The following ERBIN variants were observed in gnomAD, a reference collection of about 807,000 sequenced individuals.
The protein encoded by ERBIN is erbb2 interacting protein, also known as densin-180-like protein.
A neutral mutation model predicts 158.4 loss-of-function variants in ERBIN; 60 were observed. That is an observed-to-expected ratio of 0.38 (90% confidence interval 0.31 to 0.47). The LOEUF is 0.47. Ranked by LOEUF, ERBIN falls within the 20% of genes least tolerant of loss-of-function variation. The pLI, the probability that ERBIN is intolerant of heterozygous loss-of-function variation, is 0.99. For synonymous variants in ERBIN, 594 were observed against 557.2 expected (o/e 1.07, Z -0.93); for missense variants, 1,610 against 1,648.0 (o/e 0.98, Z 0.40).
chr5:66,015,427 A>G (rs1221678686), intron 7 of ERBIN, among the ~76,000 whole-genome samples: 1 of 152,170 alleles, frequency 6.6e-6, no homozygotes, highest in Non-Finnish European at 1.5e-5. Context: ...ATTCATGTAC[A>G]TATTGTCTGT....
chr5:65,928,602 G>T (rs1742971182), intron 1 of ERBIN, among the ~76,000 whole-genome samples: 1 of 152,062 alleles, frequency 6.6e-6, no homozygotes, highest in Non-Finnish European at 1.5e-5. Flanking sequence ...TCTATTTTTA[G>T]ATTTAGTTCT....
At chr5:66,018,464 T>G in intron 7 of ERBIN, among the ~76,000 whole-genome samples, 1 of 7,462 alleles carries the variant, frequency 1.3e-4, no homozygotes, top group Non-Finnish European at 2.6e-4. Flanking sequence ...TTATATTATA[T>G]AATATATATT....
rs1760913345 is a variant in ERBIN, at chr5:66,065,648, TGTGTGTG to T, written c.3634-6520_3634-6514del. 1.2e-4 allele frequency among the ~76,000 whole-genome samples: 17 copies of T among 139,700 alleles called. No homozygotes were observed. In the East Asian group the frequency reaches 3.6e-3, roughly 30 times the overall value. 91.6% of individuals were successfully genotyped at this position (139,700 alleles called of 152,430 possible). ...GTGTGTGTGTGTGTGTGTGTGTGTG[TGTGTGTG>T]TGTGTTTTGCTTTGTATGTGAACCA... On this transcript the variant is annotated intron_variant, in intron 21 of 25. Coordinates refer to ENST00000284037, the MANE Select transcript of ERBIN (RefSeq NM_001253697.2).
At chr5:65,998,463 G>T (rs1052767954) in intron 4 of ERBIN, among the ~76,000 whole-genome samples, 9 of 151,822 alleles carry the variant, frequency 5.9e-5, no homozygotes, top group Non-Finnish European at 1.3e-4. Context: ...TAGCTTTAAA[G>T]ATAGTACTGT....
rs775932194 is a variant in ERBIN at position 66,043,057 on chromosome 5, TG to T, written c.1307-19del. ...ATTACAGTAAAATATAGTAGGTTTT[TG>T]TTTTTTACTTTTCTCTAGTTATGTT... On this transcript the variant is annotated intron_variant, in intron 15 of 25. Transcript: ENST00000284037. The T allele has an allele frequency of 1.9e-6, 3 of 1,543,052 alleles. No homozygotes were observed. Among genetic ancestry groups the T allele is most frequent in the Non-Finnish European group, 2.7e-6 (3 of 1,129,768 alleles).
At chr5:65,960,983 T>G (rs985708324) in intron 1 of ERBIN, among the ~76,000 whole-genome samples, 13 of 152,196 alleles carry the variant, frequency 8.5e-5, no homozygotes, top group African/African-American at 3.1e-4. Context: ...TCAAAATGAC[T>G]CTTTTGACAA....
chr5:65,967,219 G>A (rs191821755), intron 1 of ERBIN, among the ~76,000 whole-genome samples: 51 of 152,094 alleles, frequency 3.4e-4, no homozygotes, highest in Non-Finnish European at 5.4e-4. Flanking sequence ...GTTATAATAA[G>A]CTAAGGTTTA....
chr5:65,940,607 C>T (rs867565580), intron 1 of ERBIN, among the ~76,000 whole-genome samples: 62 of 143,324 alleles, frequency 4.3e-4, no homozygotes, highest in African/African-American at 1.5e-3. Context: ...AGTGAGGAGC[C>T]CCTCTGCCCG....
chr5:66,059,347 T>C (rs1393043692), intron 21 of ERBIN, among the ~76,000 whole-genome samples: 12 of 152,322 alleles, frequency 7.9e-5, no homozygotes, highest in Admixed American at 7.8e-4. Flanking sequence ...TTGTCTGTTA[T>C]TGGTGTATAA....
At chr5:66,017,602 A>T (rs1382280295) in intron 7 of ERBIN, among the ~76,000 whole-genome samples, 1 of 151,744 alleles carries the variant, frequency 6.6e-6, no homozygotes, top group Non-Finnish European at 1.5e-5. Context: ...ATACTTTGCA[A>T]ATATTTCTCC....
Position 66,063,856 on chromosome 5 carries a change from G to A in ERBIN, c.3634-8313G>A, listed in dbSNP as rs985550448. ...CAATAAAATGTCAATAGAGACATTC[G>A]TATTTATATACACACTTATATACGT... On this transcript the variant is annotated intron_variant, in intron 21 of 25. Transcript: ENST00000284037. Among the ~76,000 whole-genome samples, 129 of 152,034 alleles carry A rather than the reference G, an allele frequency of 8.5e-4. 4 individuals are homozygous for A. Among genetic ancestry groups the A allele is most frequent in the Admixed American group, 8.2e-3 (125 of 15,262 alleles).
chr5:65,994,156 T>C (rs889603100), intron 3 of ERBIN, among the ~76,000 whole-genome samples: 7 of 152,120 alleles, frequency 4.6e-5, no homozygotes, highest in Non-Finnish European at 8.8e-5. Context: ...GAAACCTAGG[T>C]TGTGGTTGGA....
At chr5:65,965,514 C>T (rs912616133) in intron 1 of ERBIN, among the ~76,000 whole-genome samples, 3 of 150,806 alleles carry the variant, frequency 2.0e-5, no homozygotes, top group Admixed American at 6.7e-5. Context: ...AAGCGATTCT[C>T]CTGTCTCAGC....
intron 4 of ERBIN, among the ~76,000 whole-genome samples, chr5:66,007,966 T>C (rs1226358917): frequency 6.6e-6 from 1 of 152,190 alleles, no homozygotes; most frequent in African/African-American, 2.4e-5. Context: ...TTTTCAAAAG[T>C]AGAAAACCAG....
intron 1 of ERBIN, among the ~76,000 whole-genome samples, chr5:65,984,010 C>G (rs938806864): frequency 6.6e-6 from 1 of 152,208 alleles, no homozygotes; most frequent in African/African-American, 2.4e-5. Flanking sequence ...GCCCTTCTCC[C>G]ACCTGCTTCC....
intron 21 of ERBIN, among the ~76,000 whole-genome samples, chr5:66,067,542 A>G: frequency 6.6e-6 from 1 of 152,218 alleles, no homozygotes; most frequent in South Asian, 2.1e-4. Context: ...GTGTTTATTG[A>G]GGTACATCTT....
chr5:66,067,626 C>A (rs562146361), intron 21 of ERBIN, among the ~76,000 whole-genome samples: 15 of 152,248 alleles, frequency 9.9e-5, no homozygotes, highest in African/African-American at 3.1e-4. Context: ...AATGGCTCTT[C>A]AAATTTAAGC....
chr5:66,061,706 G>A (rs1760376808), intron 21 of ERBIN, among the ~76,000 whole-genome samples: 1 of 152,152 alleles, frequency 6.6e-6, no homozygotes, highest in East Asian at 1.9e-4. Context: ...CATGTTTAGT[G>A]CTTCCTTCAG....
chr5:66,072,451 T>A (rs1384382530), intron 22 of ERBIN, among the ~76,000 whole-genome samples, 160 bp downstream of exon 22: 2 of 152,366 alleles, frequency 1.3e-5, no homozygotes, highest in East Asian at 3.9e-4. Context: ...CAAAATAGAA[T>A]TTGACCCTGT....
Sources: allele counts gnomAD v4.1 joint callset (sites outside exome capture counted in the v4.1 genomes callset), GRCh38; gene constraint gnomAD v4.1.1; transcripts MANE v1.5; gene names NCBI Gene and HGNC (gene_info 2026-07-23, HGNC 2026-07-21).